Variants in SETD1B observed in about 807,000 individuals in gnomAD.
SETD1B encodes SET domain containing 1B, histone lysine methyltransferase.
SETD1B carries 7 observed loss-of-function variants against 148.0 expected under a neutral mutation model. The observed-to-expected ratio is 0.05, with a 90% CI of 0.03 to 0.09. The LOEUF (loss-of-function observed/expected upper bound fraction) is 0.09. Ranked by LOEUF, SETD1B falls within the 10% of genes least tolerant of loss-of-function variation. The pLI is 1.00. For synonymous variants in SETD1B, 1,361 were observed against 1,186.5 expected (o/e 1.15, Z -3.02); for missense variants, 2,155 against 2,729.9 (o/e 0.79, Z 4.69).
Position 121,827,574 on chromosome 12 carries a change from G to A in SETD1B, c.5393G>A (p.Arg1798His). 1.3e-6 allele frequency: 2 copies of A among 1,550,158 alleles called. No homozygotes were observed. The highest frequency in any genetic ancestry group is 8.7e-7 in the Non-Finnish European group (1 of 1,146,848). ...HASTRAGSER[R>H]SEQRRLLSSF... The stretch of plus-strand genomic sequence containing the variant: ...TCCACCCGGGCAGGCTCGGAGCGGC[G>A]TTCGGAGCAGCGCCGCCTGCTGTCC... Residue 1798 changes from arginine to histidine, a missense_variant, in exon 14 of 17, where the codon CGT (arginine) becomes CAT (histidine). Physicochemically the swap from Arg to His is conservative, Grantham distance 29. This residue lies in a region of SETD1B where 51 missense variants were observed against 162.8 expected (regional missense o/e 0.31). Coordinates refer to ENST00000604567, the MANE Select transcript of SETD1B (RefSeq NM_001353345.2).
In SETD1B at chr12:121,819,804, C is replaced by T; in HGVS notation, c.3819C>T (p.Gly1273=). 1 of 1,551,580 alleles carries T rather than the reference C, an allele frequency of 6.4e-7. No homozygotes were observed. Residue 1273 remains glycine, a synonymous_variant, in exon 11 of 17, where the codon GGC becomes GGT. Transcript: ENST00000604567. The part of the protein sequence containing the change: ...ADSREPPEEP[G]LSQEGAMLLS... Reference sequence around the variant, plus strand: ...CCAGGGAGCCGCCTGAGGAACCAGGCCTGAGCCAGGAAGGGGCCATGTTGC... The same window carrying T: ...CCAGGGAGCCGCCTGAGGAACCAGGTCTGAGCCAGGAAGGGGCCATGTTGC...
chr12:121,817,409 C>G lies in SETD1B; in HGVS notation c.3017C>G (p.Pro1006Arg), dbSNP rs1205739090. The G allele has an allele frequency of 2.4e-5, 37 of 1,534,624 alleles. No individual in the cohort carries two copies. In the East Asian group the frequency reaches 2.7e-4, roughly 11 times the overall value. Residue 1006 changes from proline to arginine, a missense_variant, in exon 9 of 17, where the codon CCC (proline) becomes CGC (arginine). Physicochemically the swap from Pro to Arg is moderately radical, Grantham distance 103. This residue lies in a region of SETD1B where 289 missense variants were observed against 423.7 expected (regional missense o/e 0.68). Transcript: ENST00000604567. The surrounding 1 kb of genome is among the most constrained non-coding windows in gnomAD (Gnocchi z 8.1). ...RERDRDMADT[P>R]CELAKRDPKG... is the part of the protein sequence containing the mutation. ...CGAGACCGGGATATGGCAGACACCC[C>G]CTGTGAGCTCGCCAAGCGGGACCCC... is the stretch of plus-strand genomic sequence containing the variant.
At position 121,819,365 on chromosome 12, in the gene SETD1B, G is replaced by T. The variant is rs374556353; in HGVS notation, c.3419-39G>T. 3 of 1,550,152 alleles carry T rather than the reference G, an allele frequency of 1.9e-6. No individual in the cohort carries two copies. The African/African-American group carries it at 4.1e-5, about 21-fold the overall frequency. ...GGTCTGGTGGGGGCTGGGGCACAGC[G>T]GGTCCTCAGGCAGCCCCTCGTCTGT... is the stretch of plus-strand genomic sequence containing the variant. On this transcript the variant is annotated intron_variant, in intron 10 of 16. Transcript: ENST00000604567.
At chr12:121,824,311 G>T (rs1196406268) in intron 12 of SETD1B, among the ~76,000 whole-genome samples, 1 of 152,172 alleles carries the variant, frequency 6.6e-6, no homozygotes, top group Non-Finnish European at 1.5e-5. Flanking sequence ...CATTATCCCT[G>T]CTGTATTAGA....
intron 4 of SETD1B, among the ~76,000 whole-genome samples, chr12:121,806,813 CA>C (rs1474675694): frequency 6.6e-6 from 1 of 152,350 alleles, no homozygotes; most frequent in East Asian, 1.9e-4. Flanking sequence ...CTGGGGAGGC[CA>C]TACCTCCCAC....
At chr12:121,792,834 A>T in the SETD1B span, among the ~76,000 whole-genome samples, 1 of 152,242 alleles carries the variant, frequency 6.6e-6, no homozygotes, top group Non-Finnish European at 1.5e-5. Context: ...GTAGCGCAGC[A>T]ATCCTGGAAC....
chr12:121,791,534 G>A, the SETD1B span, among the ~76,000 whole-genome samples: 1 of 152,168 alleles, frequency 6.6e-6, no homozygotes, highest in African/African-American at 2.4e-5. Flanking sequence ...GCCAGTGGTC[G>A]CCTGCTTCTG....
In SETD1B at chr12:121,831,474, TA is replaced by T. The variant is rs561894853; in HGVS notation, c.*1239del. The stretch of plus-strand genomic sequence containing the variant: ...GGCTTTTTTTTTTCTTGTGCGTGTA[TA>T]AAATCAAAAGGAAGGGGAAAAAGGT... On this transcript the variant is annotated 3_prime_UTR_variant, in exon 17 of 17. Transcript: ENST00000604567. 1.4e-3 allele frequency: 208 copies of T among 151,646 alleles called. No homozygotes were observed. Among genetic ancestry groups the T allele is most frequent in the African/African-American group, 4.7e-3 (194 of 41,352 alleles). The allele number at this position is 151,646 out of a possible 1,614,324, so 9.4% of individuals were successfully genotyped here. A position where few individuals can be genotyped will look rare whatever the true frequency, so the allele number is the denominator to read the frequency against.
In SETD1B at chr12:121,805,203, T is replaced by C. The variant is rs1384024578; in HGVS notation, c.260T>C (p.Val87Ala). The C allele has an allele frequency of 1.3e-6, 2 of 1,550,734 alleles. No homozygotes were observed. Among genetic ancestry groups the C allele is most frequent in the Admixed American group, 2.0e-5 (1 of 50,992 alleles). Residue 87 changes from valine to alanine, a missense_variant, in exon 3 of 17, where the codon GTG becomes GCG. Physicochemically the swap from Val to Ala is moderately conservative, Grantham distance 64. This residue lies in a region of SETD1B where 124 missense variants were observed against 282.9 expected (regional missense o/e 0.44). Transcript: ENST00000604567. This position sits in a 1 kb window ranked among gnomAD's most constrained non-coding sequence, Gnocchi z 4.2. ...AAAAACAAGGAGCTGGAGCTGTCGG[T>C]GCCCAAATTCAAGGTAGGACCCCTC... is the stretch of plus-strand genomic sequence containing the variant. Reference protein sequence around the residue: ...WTKNKELELSVPKFKIDEFYV... With the variant: ...WTKNKELELSAPKFKIDEFYV...
In SETD1B at chr12:121,805,272, A is replaced by ACTCC. The variant is rs1315476739; in HGVS notation, c.273+56_273+57insCTCC. 1 of 1,389,808 alleles carries ACTCC rather than the reference A, an allele frequency of 7.2e-7. No individual in the cohort carries two copies. Among genetic ancestry groups the ACTCC allele is most frequent in the Non-Finnish European group, 1.0e-6 (1 of 1,003,786 alleles). 86.1% of individuals were successfully genotyped at this position (1,389,808 alleles called of 1,614,324 possible). On this transcript the variant is annotated intron_variant, in intron 3 of 16. Coordinates refer to ENST00000604567, the MANE Select transcript of SETD1B (RefSeq NM_001353345.2). The surrounding 1 kb of genome is among the most constrained non-coding windows in gnomAD (Gnocchi z 4.2). Reference sequence around the variant, plus strand: ...CTCCCCCACCTCCCCGAGTTCGAAAATAACGCCAGTCCTGACCGAGCCCAG... The same window carrying ACTCC: ...CTCCCCCACCTCCCCGAGTTCGAAAACTCCTAACGCCAGTCCTGACCGAGCCCAG...
At position 121,825,355 on chromosome 12, in the gene SETD1B, G is replaced by A. The variant is rs958273110; in HGVS notation, c.5326G>A (p.Ala1776Thr). ...SSRASTDEPP[A>T]DTQGMSIPAQ... is the part of the protein sequence containing the mutation. ...CCGTGCCAGCACCGATGAGCCCCCC[G>A]CAGACACCCAGGTACTGCCAGGGCT... Residue 1776 changes from alanine to threonine, a missense_variant, in exon 13 of 17, where the codon GCA becomes ACA. Coordinates refer to ENST00000604567, the MANE Select transcript of SETD1B (RefSeq NM_001353345.2). The A allele has an allele frequency of 1.5e-5, 23 of 1,549,918 alleles. No individual in the cohort carries two copies. Among genetic ancestry groups the A allele is most frequent in the African/African-American group, 1.1e-4 (8 of 73,180 alleles).
In SETD1B at chr12:121,814,305, C is replaced by G; in HGVS notation, c.2090C>G (p.Pro697Arg). The change falls in exon 7 of 17, where the codon CCC (proline) becomes CGC (arginine). Residue 697 changes from proline to arginine, a missense_variant. By Grantham distance (103) the Pro-to-Arg change is moderately radical. This residue lies in a region of SETD1B where 295 missense variants were observed against 303.8 expected (regional missense o/e 0.97). Transcript: ENST00000604567. ...CCGCTGCCCCCCCCACCACCACCACCCCCACCGCAGCCTGGCTTCCCCATG... is the reference window on the plus strand; with the variant it reads ...CCGCTGCCCCCCCCACCACCACCACGCCCACCGCAGCCTGGCTTCCCCATG... ...FPPLPPPPPP[P>R]PPQPGFPMPP... 8.2e-7 allele frequency: 1 copy of G among 1,223,180 alleles called. No individual in the cohort carries two copies. Among genetic ancestry groups the G allele is most frequent in the Non-Finnish European group, 1.1e-6 (1 of 900,178 alleles). 75.8% of individuals were successfully genotyped at this position (1,223,180 alleles called of 1,614,324 possible).
chr12:121,830,294 G>A lies in SETD1B; in HGVS notation c.*55G>A, dbSNP rs1877033416. 1 of 1,506,644 alleles carries A rather than the reference G, an allele frequency of 6.6e-7. No individual in the cohort carries two copies. The highest frequency in any genetic ancestry group is 8.9e-7 in the Non-Finnish European group (1 of 1,121,738). 93.3% of individuals were successfully genotyped at this position (1,506,644 alleles called of 1,614,324 possible). The stretch of plus-strand genomic sequence containing the variant: ...CCGTAGCCCTGGGACTCCCGAGCGT[G>A]GAGCCCCTGGCCCCGGGGCCCGGCC... On this transcript the variant is annotated 3_prime_UTR_variant, in exon 17 of 17. Transcript: ENST00000604567. This position sits in a 1 kb window ranked among gnomAD's most constrained non-coding sequence, Gnocchi z 5.7.
intron 11 of SETD1B, among the ~76,000 whole-genome samples, chr12:121,821,241 A>G (rs1273202903): frequency 6.6e-6 from 1 of 152,204 alleles, no homozygotes; most frequent in Non-Finnish European, 1.5e-5. Context: ...AGACAAAAAT[A>G]TCTGCTCCCA....
chr12:121,828,786 CAG>C (rs1876960180), intron 16 of SETD1B, among the ~76,000 whole-genome samples: 2 of 152,352 alleles, frequency 1.3e-5, no homozygotes, highest in South Asian at 4.1e-4. Context: ...GTCTGTAAAA[CAG>C]AGACAATAAC....
chr12:121,819,304 A>G (rs1876450476), intron 10 of SETD1B, 100 bp from the exon 11 acceptor site: 2 of 1,513,896 alleles, frequency 1.3e-6, no homozygotes, highest in Non-Finnish European at 1.8e-6. Context: ...GGCCGTGTTC[A>G]GCCTGGGTGC....
At chr12:121,828,554 T>A (rs1876950770) in intron 16 of SETD1B, among the ~76,000 whole-genome samples, 1 of 152,204 alleles carries the variant, frequency 6.6e-6, no homozygotes, top group Non-Finnish European at 1.5e-5. Context: ...TTATTTCATT[T>A]TGATGAATTT....
At chr12:121,806,253 G>T in intron 4 of SETD1B, 148 bp downstream of exon 4, 1 of 837,340 alleles carries the variant, frequency 1.2e-6, no homozygotes, top group Non-Finnish European at 1.8e-6. Context: ...CCTGAGGGTA[G>T]AGTCGCGTGG....
chr12:121,819,842 C>T lies in SETD1B; in HGVS notation c.3857C>T (p.Pro1286Leu), dbSNP rs763132995. Residue 1286 changes from proline to leucine, a missense_variant, in exon 11 of 17, where the codon CCC (proline) becomes CTC (leucine). By Grantham distance (98) the Pro-to-Leu change is moderately conservative. Transcript: ENST00000604567. ...QEGAMLLSPE[P>L]PAKEVEARPP... ...GGGGCCATGTTGCTGTCTCCAGAGC[C>T]CCCTGCCAAGGAGGTGGAGGCTCGA... 3.9e-6 allele frequency: 6 copies of T among 1,551,342 alleles called. No homozygotes were observed. The highest frequency in any genetic ancestry group is 5.2e-6 in the Non-Finnish European group (6 of 1,146,936).
Sources: allele counts gnomAD v4.1 joint callset (sites outside exome capture counted in the v4.1 genomes callset), GRCh38; gene constraint gnomAD v4.1.1; regional missense constraint gnomAD v4.1.1; non-coding constraint Gnocchi (gnomAD v3.1); transcripts MANE v1.5; gene names NCBI Gene and HGNC (gene_info 2026-07-23, HGNC 2026-07-21).